Variants in AMD1 observed in about 807,000 individuals in gnomAD.
AMD1 encodes the protein adenosylmethionine decarboxylase 1, also known as S-adenosylmethionine decarboxylase proenzyme.
In AMD1, 11 loss-of-function variants were observed where a neutral mutation model predicts 40.2. That is an observed-to-expected ratio of 0.27 (90% confidence interval 0.17 to 0.45). The LOEUF (loss-of-function observed/expected upper bound fraction) is 0.45, where lower values mean the gene tolerates loss of function less well. Among genes scored for constraint, AMD1 ranks in the 20% least tolerant of loss-of-function variants. The probability of loss-of-function intolerance (pLI) is 1.00; values close to 1 mark genes in which losing one functional copy is unlikely to be tolerated. For missense variants in AMD1, 257 were observed against 410.2 expected, an observed-to-expected ratio of 0.63 and a Z score of 3.23; for synonymous variants, 121 against 130.8, an observed-to-expected ratio of 0.93 and a Z score of 0.51.
At chr6:110,883,770 T>A (rs949508589) in intron 1 of AMD1, among the ~76,000 whole-genome samples, 10 of 152,194 alleles carry the variant, frequency 6.6e-5, no homozygotes, top group South Asian at 2.1e-4. Flanking sequence ...TTTTTTTTTT[T>A]TTATTTTTAG....
the AMD1 span, chr6:110,858,778 C>T: frequency 3.9e-6 from 3 of 764,352 alleles, no homozygotes; most frequent in Non-Finnish European, 2.4e-6. Flanking sequence ...GCCAGTCGGG[C>T]ATGACCGCGT....
At chr6:110,874,610 G>T (rs1013121995), upstream of AMD1, among the ~76,000 whole-genome samples, 1 of 152,188 alleles carries the variant, frequency 6.6e-6, no homozygotes, top group Non-Finnish European at 1.5e-5. Context: ...GAGCCGCAGC[G>T]CAGTGGGCAG....
chr6:110,815,367 G>C, the AMD1 span: 1 of 383,766 alleles, frequency 2.6e-6, no homozygotes. Flanking sequence ...CGGCGGCGGC[G>C]GCTCCCGCAG....
the AMD1 span, among the ~76,000 whole-genome samples, chr6:110,829,558 A>G: frequency 6.6e-6 from 1 of 151,184 alleles, no homozygotes; most frequent in Non-Finnish European, 1.5e-5. Flanking sequence ...AGTCCCAGCT[A>G]CTCGGGAGGC....
chr6:110,821,443 G>A, the AMD1 span, among the ~76,000 whole-genome samples: 4 of 152,108 alleles, frequency 2.6e-5, no homozygotes, highest in Admixed American at 1.3e-4. Context: ...GTGAAACCCC[G>A]TCTCTACTAA....
At chr6:110,819,175 C>A in the AMD1 span, among the ~76,000 whole-genome samples, 1 of 152,090 alleles carries the variant, frequency 6.6e-6, no homozygotes, top group Non-Finnish European at 1.5e-5. Context: ...CTAATCAACA[C>A]GGAGAAACCC....
the AMD1 span, among the ~76,000 whole-genome samples, chr6:110,843,348 C>T: frequency 2.0e-5 from 3 of 150,260 alleles, no homozygotes; most frequent in African/African-American, 7.4e-5. Flanking sequence ...CCTATAATCC[C>T]AGCTACACGG....
At chr6:110,821,893 C>G in the AMD1 span, among the ~76,000 whole-genome samples, 1 of 152,158 alleles carries the variant, frequency 6.6e-6, no homozygotes, top group East Asian at 1.9e-4. Context: ...GACAACCTAA[C>G]ATCATACCTC....
chr6:110,892,259 C>T, intron 5 of AMD1, 40 bp from the exon 6 acceptor site: 1 of 1,613,476 alleles, frequency 6.2e-7, no homozygotes, highest in Non-Finnish European at 8.5e-7. Flanking sequence ...TTTAAACTGC[C>T]AATTGTCATT....
the AMD1 span, among the ~76,000 whole-genome samples, chr6:110,816,565 T>C: frequency 6.6e-6 from 1 of 152,226 alleles, no homozygotes; most frequent in Non-Finnish European, 1.5e-5. Context: ...TCTTCCTTTG[T>C]AAAGAGAAAT....
At chr6:110,886,964 C>G (rs529659829) in intron 1 of AMD1, among the ~76,000 whole-genome samples, 1 of 152,162 alleles carries the variant, frequency 6.6e-6, no homozygotes, top group African/African-American at 2.4e-5. Context: ...CGGGCTTTCT[C>G]ATTGCATTTG....
At chr6:110,883,862 A>G (rs1264292337) in intron 1 of AMD1, among the ~76,000 whole-genome samples, 1 of 151,900 alleles carries the variant, frequency 6.6e-6, no homozygotes, top group Non-Finnish European at 1.5e-5. Context: ...GAGTGCTGGG[A>G]TTACAGGCGT....
At chr6:110,875,617 C>T (rs982554168) in intron 1 of AMD1, 2 of 163,208 alleles carry the variant, frequency 1.2e-5, no homozygotes, top group Non-Finnish European at 2.6e-5. Context: ...GGGTTGCCTC[C>T]GGCAGGTGTG....
At chr6:110,890,574 A>C (rs1321258422) in intron 4 of AMD1, among the ~76,000 whole-genome samples, 3 of 152,030 alleles carry the variant, frequency 2.0e-5, no homozygotes, top group Non-Finnish European at 4.4e-5. Flanking sequence ...CAGCCTCAAC[A>C]TCCCAGGCTT....
the AMD1 span, among the ~76,000 whole-genome samples, chr6:110,828,897 C>T: frequency 7.9e-5 from 12 of 152,264 alleles, no homozygotes; most frequent in South Asian, 6.2e-4. Context: ...GCTGGCTGGG[C>T]GCGGTGGTTC....
chr6:110,846,655 A>G, the AMD1 span, among the ~76,000 whole-genome samples: 1 of 152,118 alleles, frequency 6.6e-6, no homozygotes, highest in Non-Finnish European at 1.5e-5. Context: ...GTGGATCACA[A>G]GGTCAGGAGT....
chr6:110,880,626 G>A (rs1435862226), intron 1 of AMD1, among the ~76,000 whole-genome samples: 1 of 149,982 alleles, frequency 6.7e-6, no homozygotes, highest in Non-Finnish European at 1.5e-5. Flanking sequence ...GTTTTTCCCT[G>A]TTATGTAGGC....
the AMD1 span, among the ~76,000 whole-genome samples, chr6:110,826,516 A>G: frequency 1.3e-5 from 2 of 152,016 alleles, no homozygotes; most frequent in African/African-American, 2.4e-5. Flanking sequence ...CTGGAGGGCC[A>G]TGATCTCTCT....
chr6:110,831,356 T>A, the AMD1 span, among the ~76,000 whole-genome samples: 1 of 151,902 alleles, frequency 6.6e-6, no homozygotes, highest in Non-Finnish European at 1.5e-5. Flanking sequence ...GGAGAATGGC[T>A]TGAACTCGGG....
Sources: gnomAD v4.1 joint callset for allele counts (sites outside exome capture counted in the v4.1 genomes callset) on GRCh38, gnomAD v4.1.1 for gene constraint, MANE v1.5 for transcripts, NCBI Gene and HGNC (gene_info 2026-07-23, HGNC 2026-07-21) for gene names.